FUT1: variants seen among roughly 807,000 people sequenced by gnomAD.
FUT1 encodes the protein fucosyltransferase 1 (H blood group).
For missense variants in FUT1, 476 were observed against 492.7 expected (o/e 0.97, Z 0.32); for synonymous variants, 215 against 208.7 (o/e 1.03, Z -0.26).
At position 48,749,979 on chromosome 19, in the gene FUT1, A is replaced by C. The variant is rs2122552160; in HGVS notation, c.*205T>G. 1.5e-6 allele frequency: 1 copy of C among 649,312 alleles called. No homozygotes were observed. 40.2% of individuals were successfully genotyped at this position (649,312 alleles called of 1,614,324 possible). ...TAGAACTGCCTGCCAGCCATCAGGA[A>C]AAGATGTTTTGCTAGTTCTAGAATA... On this transcript the variant is annotated 3_prime_UTR_variant, in exon 2 of 2. Transcript: ENST00000645652.
At position 48,751,271 on chromosome 19, in the gene FUT1, C is replaced by G. The variant is rs772282504; in HGVS notation, c.11G>C (p.Arg4Pro). The G allele has an allele frequency of 6.2e-7, 1 of 1,613,594 alleles. No homozygotes were observed. The highest frequency in any genetic ancestry group is 1.7e-4 in the Middle Eastern group (1 of 6,060). The change falls in exon 2 of 2, where the codon CGG (arginine) becomes CCG (proline). Residue 4 changes from arginine to proline, a missense_variant. Transcript: ENST00000645652. MWL[R>P]SHRQLCLAFL... is the part of the protein sequence containing the mutation. ...GGCCAGGCAGAGCTGACGATGGCTC[C>G]GGAGCCACATGGCTGCAGGGGAGGA...
At position 48,750,492 on chromosome 19, in the gene FUT1, C is replaced by CG; in HGVS notation, c.789dup (p.Gly264ArgfsTer6). Reference sequence around the variant, plus strand: ...ATGTTTTCTTTACACCACTCCATGCCGTTGCTGGTGACCACGAAAACGGGG... The same window carrying CG: ...ATGTTTTCTTTACACCACTCCATGCCGGTTGCTGGTGACCACGAAAACGGGG... On this transcript the variant is annotated frameshift_variant, in exon 2 of 2. Coordinates refer to ENST00000645652, the MANE Select transcript of FUT1 (RefSeq NM_001384359.1). LOFTEE classifies it low-confidence loss of function (END_TRUNC). 1 of 1,614,142 alleles carries CG rather than the reference C, an allele frequency of 6.2e-7. No individual in the cohort carries two copies. Among genetic ancestry groups the CG allele is most frequent in the Non-Finnish European group, 8.5e-7 (1 of 1,180,038 alleles).
rs1315848763 is a variant in FUT1 at position 48,752,133 on chromosome 19, A to G, written c.-3+357T>C. Among the ~76,000 whole-genome samples the G allele has an allele frequency of 6.7e-6, 1 of 149,334 alleles. No homozygotes were observed. Among genetic ancestry groups the G allele is most frequent in the Non-Finnish European group, 1.5e-5 (1 of 67,238 alleles). On this transcript the variant is annotated intron_variant, in intron 1 of 1. Transcript: ENST00000645652. The surrounding 1 kb of genome is among the most constrained non-coding windows in gnomAD (Gnocchi z 4.3). The stretch of plus-strand genomic sequence containing the variant: ...TTAAAAAAAAAAAAAAAAAAAAAAA[A>G]AGAAAGTGGTCCAGGTTCCTACACC...
Position 48,750,638 on chromosome 19 carries a change from ACAAAGGTG to A in FUT1, c.636_643del (p.Thr213ArgfsTer54). 6.2e-7 allele frequency: 1 copy of A among 1,612,322 alleles called. No individual in the cohort carries two copies. Among genetic ancestry groups the A allele is most frequent in the East Asian group, 2.2e-5 (1 of 44,868 alleles). ...GTCCCCACGGCGCACGTGGACGCCG[ACAAAGGTG>A]CGCGGGCGGTCCCCTGTGCGGCCCA... On this transcript the variant is annotated frameshift_variant, in exon 2 of 2. Coordinates refer to ENST00000645652, the MANE Select transcript of FUT1 (RefSeq NM_001384359.1). LOFTEE classifies it low-confidence loss of function (END_TRUNC).
At chr19:48,752,685 G>C, upstream of FUT1, 1 of 985,400 alleles carries the variant, frequency 1.0e-6, no homozygotes, top group Non-Finnish European at 1.2e-6. This position sits in a 1 kb window ranked among gnomAD's most constrained non-coding sequence, Gnocchi z 4.3. Flanking sequence ...GGGCGCGGCC[G>C]GGAGTCTCGC....
chr19:48,752,797 G>A (rs1279029806), upstream of FUT1: 1 of 985,218 alleles, frequency 1.0e-6, no homozygotes, highest in African/African-American at 1.7e-5. This position sits in a 1 kb window ranked among gnomAD's most constrained non-coding sequence, Gnocchi z 4.3. Context: ...TGGCCCCTGG[G>A]CCCACCGCTC....
At chr19:48,752,917 A>G (rs2034026800), upstream of FUT1, 4 of 985,324 alleles carry the variant, frequency 4.1e-6, no homozygotes, top group Non-Finnish European at 4.8e-6. This position sits in a 1 kb window ranked among gnomAD's most constrained non-coding sequence, Gnocchi z 4.3. Context: ...CCGCAGCATC[A>G]TTGCGTGGAC....
At position 48,750,818 on chromosome 19, in the gene FUT1, G is replaced by A; in HGVS notation, c.464C>T (p.Ala155Val). 1 of 1,613,914 alleles carries A rather than the reference G, an allele frequency of 6.2e-7. No individual in the cohort carries two copies. Among genetic ancestry groups the A allele is most frequent in the Non-Finnish European group, 8.5e-7 (1 of 1,179,988 alleles). ...QLHDWMSEEY[A>V]DLRDPFLKLS... ...CTTCAGGAAAGGATCTCTCAAGTCC[G>A]CGTACTCCTCCGACATCCAGTCGTG... The change falls in exon 2 of 2, where the codon GCG becomes GTG. Residue 155 changes from alanine (A) to valine (V), a missense_variant. Ala to Val is a moderately conservative substitution (Grantham distance 64). Transcript: ENST00000645652.
chr19:48,752,901 G>C, upstream of FUT1: 2 of 985,530 alleles, frequency 2.0e-6, no homozygotes, highest in Non-Finnish European at 2.4e-6. The surrounding 1 kb of genome is among the most constrained non-coding windows in gnomAD (Gnocchi z 4.3). Flanking sequence ...CCTGGCTTCT[G>C]AGCAGCCGCA....
At chr19:48,752,768 G>A, upstream of FUT1, 1 of 985,360 alleles carries the variant, frequency 1.0e-6, no homozygotes, top group Non-Finnish European at 1.2e-6. This position sits in a 1 kb window ranked among gnomAD's most constrained non-coding sequence, Gnocchi z 4.3. Context: ...CCGAGCCCCA[G>A]CGCCAGGGGC....
upstream of FUT1, among the ~76,000 whole-genome samples, chr19:48,754,185 C>CAAAA (rs4002472): frequency 1.9e-3 from 137 of 73,550 alleles, 2 homozygotes; most frequent in South Asian, 6.2e-3. Context: ...GACTCCGCCT[C>CAAAA]AAAAAAAAAA....
chr19:48,754,859 T>A (rs1427082122), upstream of FUT1, among the ~76,000 whole-genome samples: 1 of 152,012 alleles, frequency 6.6e-6, no homozygotes, highest in Non-Finnish European at 1.5e-5. Context: ...AGTTTAACCA[T>A]CATCTCCCCA....
At chr19:48,753,906 C>A (rs1165532978), upstream of FUT1, among the ~76,000 whole-genome samples, 1 of 152,250 alleles carries the variant, frequency 6.6e-6, no homozygotes, top group South Asian at 2.1e-4. Flanking sequence ...CTATTTCGGG[C>A]GGGCGCGGTG....
upstream of FUT1, chr19:48,753,428 A>G (rs1013384803): frequency 1.3e-5 from 2 of 152,264 alleles, no homozygotes; most frequent in African/African-American, 4.8e-5. Context: ...GCCAGAGACA[A>G]AGGCCTCTGC....
chr19:48,752,982 C>CCT (rs1351323307), upstream of FUT1: 1 of 810,550 alleles, frequency 1.2e-6, no homozygotes, highest in Non-Finnish European at 1.5e-6. This position sits in a 1 kb window ranked among gnomAD's most constrained non-coding sequence, Gnocchi z 4.3. Context: ...AATCCGCCGC[C>CCT]CTCTCTCTTC....
rs2033942485 is a variant in FUT1, at chr19:48,748,556, A to C, written c.*1628T>G. ...AGCTCTTGGCAGTTTATGAGCTTTA[A>C]AAAAAAGTGTCCCTGGATCCCTGGA... On this transcript the variant is annotated 3_prime_UTR_variant, in exon 2 of 2. Transcript: ENST00000645652. 1 of 152,216 alleles carries C rather than the reference A, an allele frequency of 6.6e-6. No homozygotes were observed. Among genetic ancestry groups the C allele is most frequent in the South Asian group, 2.1e-4 (1 of 4,818 alleles). The allele number at this position is 152,216 out of a possible 1,614,324, so 9.4% of individuals were successfully genotyped here.
At chr19:48,752,913 C>G (rs1021625949), upstream of FUT1, 2 of 985,350 alleles carry the variant, frequency 2.0e-6, no homozygotes, top group Non-Finnish European at 2.4e-6. The surrounding 1 kb of genome is among the most constrained non-coding windows in gnomAD (Gnocchi z 4.3). Flanking sequence ...GCAGCCGCAG[C>G]ATCATTGCGT....
chr19:48,752,914 A>T, upstream of FUT1: 1 of 985,436 alleles, frequency 1.0e-6, no homozygotes, highest in African/African-American at 1.7e-5. This position sits in a 1 kb window ranked among gnomAD's most constrained non-coding sequence, Gnocchi z 4.3. Flanking sequence ...CAGCCGCAGC[A>T]TCATTGCGTG....
In FUT1 at chr19:48,751,111, C is replaced by T. The variant is rs915426585; in HGVS notation, c.171G>A (p.Leu57=). The change falls in exon 2 of 2, where the codon CTG becomes CTA. Residue 57 remains leucine, a synonymous_variant. Coordinates refer to ENST00000645652, the MANE Select transcript of FUT1 (RefSeq NM_001384359.1). Reference sequence around the variant, plus strand: ...CGTTGGGGCCCATCGCAGTACCCGGCAGGCAGAAGATGGCCACTGGGGGTG... The same window carrying T: ...CGTTGGGGCCCATCGCAGTACCCGGTAGGCAGAAGATGGCCACTGGGGGTG... ...LVTPPVAIFC[L]PGTAMGPNAS... 10 of 1,613,094 alleles carry T rather than the reference C, an allele frequency of 6.2e-6. No homozygotes were observed. The highest frequency in any genetic ancestry group is 7.6e-6 in the Non-Finnish European group (9 of 1,179,346).
Sources: gnomAD v4.1 joint callset for allele counts (sites outside exome capture counted in the v4.1 genomes callset) on GRCh38, gnomAD v4.1.1 for gene constraint, Gnocchi (gnomAD v3.1) non-coding constraint, MANE v1.5 for transcripts, NCBI Gene and HGNC (gene_info 2026-07-23, HGNC 2026-07-21) for gene names.